The following ATM variants were observed in gnomAD, a reference collection of about 807,000 sequenced individuals.
The protein encoded by ATM is serine-protein kinase ATM.
Under a neutral mutation model 387.0 loss-of-function variants are expected in ATM, and 308 were observed. That is an observed-to-expected ratio of 0.80 (90% confidence interval 0.73 to 0.87). The LOEUF is 0.87. ATM is among the 40% of genes least tolerant of loss of function. The pLI, the probability that ATM is intolerant of heterozygous loss-of-function variation, is 0.00. For missense variants in ATM, 3,312 were observed against 3,560.9 expected (o/e 0.93, Z 1.78); for synonymous variants, 1,156 against 1,187.3 (o/e 0.97, Z 0.54).
At position 108,310,151 on chromosome 11, in the gene ATM, T is replaced by C. The variant is rs1245118555; in HGVS notation, c.5763-9T>C. 1 of 1,611,738 alleles carries C rather than the reference T, an allele frequency of 6.2e-7. No homozygotes were observed. Among genetic ancestry groups the C allele is most frequent in the Non-Finnish European group, 8.5e-7 (1 of 1,178,476 alleles). Reference sequence around the variant, plus strand: ...AAAGTGAATGACATTATATCTCATTTTTCTTTAGACCTTCTTCAGGAACAA... The same window carrying C: ...AAAGTGAATGACATTATATCTCATTCTTCTTTAGACCTTCTTCAGGAACAA... On this transcript the variant is annotated splice_polypyrimidine_tract_variant and intron_variant, in intron 38 of 62. Coordinates refer to ENST00000675843, the MANE Select transcript of ATM (RefSeq NM_000051.4).
At chr11:108,246,801 G>A (rs1201527539) in intron 7 of ATM, among the ~76,000 whole-genome samples, 163 bp from the exon 8 acceptor site, 5 of 152,226 alleles carry the variant, frequency 3.3e-5, no homozygotes, top group African/African-American at 1.2e-4. Flanking sequence ...ATGAAATAGA[G>A]TTTGTCAAGG....
rs964364958 is a variant in ATM at position 108,294,953 on chromosome 11, T to C, written c.4803T>C (p.Ser1601=). ...AAATTAACCATTTTCTCTCAGTAAG[T>C]GTTTATGATGCACTTCCATTGACAA... is the stretch of plus-strand genomic sequence containing the variant. ...LEEINHFLSV[S]VYDALPLTRL... is the part of the protein sequence containing the mutation. Residue 1601 remains serine (S), a synonymous_variant, in exon 32 of 63, where the codon AGT becomes AGC. Transcript: ENST00000675843. 1 of 1,613,856 alleles carries C rather than the reference T, an allele frequency of 6.2e-7. No homozygotes were observed. Among genetic ancestry groups the C allele is most frequent in the South Asian group, 1.1e-5 (1 of 91,080 alleles).
At chr11:108,241,620 T>C (rs957364190) in intron 5 of ATM, among the ~76,000 whole-genome samples, 2 of 152,156 alleles carry the variant, frequency 1.3e-5, no homozygotes, top group African/African-American at 4.8e-5. Flanking sequence ...TTATGTAGTA[T>C]GTGACTGTGG....
At chr11:108,336,786 T>C (rs1175575630) in intron 56 of ATM, among the ~76,000 whole-genome samples, 1 of 152,216 alleles carries the variant, frequency 6.6e-6, no homozygotes, top group Non-Finnish European at 1.5e-5. Context: ...CCTCTAGCTA[T>C]TTGCCTGAGA....
At position 108,311,761 on chromosome 11, in the gene ATM, T is replaced by C. The variant is rs149151024; in HGVS notation, c.5919-650T>C. On this transcript the variant is annotated intron_variant, in intron 39 of 62. Coordinates refer to ENST00000675843, the MANE Select transcript of ATM (RefSeq NM_000051.4). ...ATATAGGTAAATATTAGAGGCAGTATCACTTATGATAGTATTTATTTTATG... is the reference window on the plus strand; with the variant it reads ...ATATAGGTAAATATTAGAGGCAGTACCACTTATGATAGTATTTATTTTATG... Among the ~76,000 whole-genome samples the C allele has an allele frequency of 7.8e-4, 118 of 152,198 alleles. 1 individual carries two copies. The highest frequency in any genetic ancestry group is 2.6e-3 in the African/African-American group (106 of 41,534).
chr11:108,262,000 C>T (rs1174707834), intron 16 of ATM, among the ~76,000 whole-genome samples: 1 of 152,142 alleles, frequency 6.6e-6, no homozygotes, highest in Non-Finnish European at 1.5e-5. Context: ...ACCAAATCTA[C>T]GTCTGATTGG....
At chr11:108,325,275 T>A in intron 45 of ATM, 35 bp from the exon 46 acceptor site, 5 of 952,500 alleles carry the variant, frequency 5.2e-6, no homozygotes, top group Non-Finnish European at 8.2e-6. Flanking sequence ...TTTTCATTTC[T>A]CTTGCTTACA....
chr11:108,250,915 T>C lies in ATM; in HGVS notation c.1450T>C (p.Trp484Arg), dbSNP rs2080108178. 1 of 1,614,202 alleles carries C rather than the reference T, an allele frequency of 6.2e-7. No individual in the cohort carries two copies. The highest frequency in any genetic ancestry group is 8.5e-7 in the Non-Finnish European group (1 of 1,180,026). ...ACAAAAGTCAGATTTATTAAAACTC[T>C]GGAATAAAATTTGGTGTATTACCTT... ...SSQKSDLLKL[W>R]NKIWCITFRG... Residue 484 changes from tryptophan to arginine, a missense_variant, in exon 10 of 63, where the codon TGG (tryptophan) becomes CGG (arginine). By Grantham distance (101) the Trp-to-Arg change is moderately radical. Coordinates refer to ENST00000675843, the MANE Select transcript of ATM (RefSeq NM_000051.4).
At chr11:108,252,707 A>G in intron 11 of ATM, 110 bp from the exon 12 acceptor site, 1 of 760,376 alleles carries the variant, frequency 1.3e-6, no homozygotes, top group South Asian at 1.6e-5. Flanking sequence ...TTAATCTAGG[A>G]TCCAAATTTT....
At position 108,366,359 on chromosome 11, in the gene ATM, A is replaced by G. The variant is rs2091331102; in HGVS notation, c.*851A>G. ...TGTTTTTCATTTCTAATTATGCATC[A>G]TTTTTCAGATCTCTGTTTCTTGATG... On this transcript the variant is annotated 3_prime_UTR_variant, in exon 63 of 63. Transcript: ENST00000675843. 1 of 213,462 alleles carries G rather than the reference A, an allele frequency of 4.7e-6. No homozygotes were observed. Among genetic ancestry groups the G allele is most frequent in the African/African-American group, 2.3e-5 (1 of 44,028 alleles). 13.2% of individuals were successfully genotyped at this position (213,462 alleles called of 1,614,324 possible). A position where few individuals can be genotyped will look rare whatever the true frequency, so the allele number is the denominator to read the frequency against.
rs2079249238 is a variant in ATM, at chr11:108,235,832, T to A, written c.494T>A (p.Leu165Ter). 1 of 1,613,824 alleles carries A rather than the reference T, an allele frequency of 6.2e-7. No homozygotes were observed. The highest frequency in any genetic ancestry group is 8.5e-7 in the Non-Finnish European group (1 of 1,179,850). Residue 165 changes from leucine (L) to a stop codon, truncating the protein, a stop_gained and splice_region_variant, in exon 5 of 63, where the codon TTA becomes TAA. Coordinates refer to ENST00000675843, the MANE Select transcript of ATM (RefSeq NM_000051.4). LOFTEE classifies it high-confidence loss of function. Reference sequence around the variant, plus strand: ...TGTGAAATATCTCAGCAACAGTGGTTAGGTATGTTTTGAAGGTTGTTGTTT... The same window carrying A: ...TGTGAAATATCTCAGCAACAGTGGTAAGGTATGTTTTGAAGGTTGTTGTTT... ...YWCEISQQQW[L>*]ELFSVYFRLY...
chr11:108,272,488 T>C (rs2135563901), intron 20 of ATM, 44 bp from the exon 21 acceptor site: 2 of 1,491,036 alleles, frequency 1.3e-6, no homozygotes, highest in Non-Finnish European at 1.9e-6. Context: ...TGAGTGCTTT[T>C]ATCAGAATGA....
At chr11:108,327,462 T>A (rs2085785260) in intron 47 of ATM, 183 bp from the exon 48 acceptor site, 1 of 563,632 alleles carries the variant, frequency 1.8e-6, no homozygotes, top group South Asian at 2.0e-5. Context: ...AAACAGAGGA[T>A]GATCATTTCC....
rs2082874444 is a variant in ATM at position 108,292,796 on chromosome 11, A to G, written c.4611+3A>G. ...AGCAGGTGGAGGTTCAGAAACAGGT[A>G]ATTTTCTGACTCATCTTCAAAATGG... On this transcript the variant is annotated splice_donor_region_variant and intron_variant, in intron 30 of 62. Coordinates refer to ENST00000675843, the MANE Select transcript of ATM (RefSeq NM_000051.4). 1 of 1,613,568 alleles carries G rather than the reference A, an allele frequency of 6.2e-7. No individual in the cohort carries two copies. Among genetic ancestry groups the G allele is most frequent in the South Asian group, 1.1e-5 (1 of 91,058 alleles).
chr11:108,348,377 T>TAAGA (rs1035191499), intron 59 of ATM, among the ~76,000 whole-genome samples: 1 of 151,452 alleles, frequency 6.6e-6, no homozygotes, highest in Non-Finnish European at 1.5e-5. Flanking sequence ...GTTTAATATA[T>TAAGA]AAGAAAGAAA....
In ATM at chr11:108,272,833, G is replaced by T. The variant is rs730881358; in HGVS notation, c.3265G>T (p.Ala1089Ser). 8.9e-5 allele frequency: 143 copies of T among 1,613,882 alleles called. No homozygotes were observed. Among genetic ancestry groups the T allele is most frequent in the Non-Finnish European group, 1.2e-4 (139 of 1,179,984 alleles). The change falls in exon 22 of 63, where the codon GCT becomes TCT. Residue 1089 changes from alanine to serine, a missense_variant. Transcript: ENST00000675843. Reference protein sequence around the residue: ...ADNHHQVRMLAAESINRLFQD... With the variant: ...ADNHHQVRMLSAESINRLFQD... ...CAATCATCACCAAGTTCGCATGTTG[G>T]CTGCAGAGTCAATCAATAGGTAATG... is the stretch of plus-strand genomic sequence containing the variant.
chr11:108,290,826 TAAA>T (rs202152959), intron 29 of ATM, among the ~76,000 whole-genome samples: 13 of 124,836 alleles, frequency 1.0e-4, no homozygotes, highest in Admixed American at 1.6e-4. Context: ...TTCACTCAAT[TAAA>T]AAAAAAAAAA....
intron 38 of ATM, chr11:108,309,196 T>TA (rs1311466008): frequency 3.7e-6 from 2 of 544,732 alleles, no homozygotes; most frequent in African/African-American, 3.8e-5. Flanking sequence ...AGAACAACAA[T>TA]AAAACAACAA....
rs200842502 is a variant in ATM, at chr11:108,304,729, C to T, written c.5551C>T (p.Leu1851Phe). The T allele has an allele frequency of 1.6e-5, 26 of 1,613,984 alleles. No individual in the cohort carries two copies. Among genetic ancestry groups the T allele is most frequent in the Non-Finnish European group, 1.5e-5 (18 of 1,179,938 alleles). Reference sequence around the variant, plus strand: ...TCCATACTTGATTCATGATATTTTACTCCAAGATACAAATGAATCATGGAG... The same window carrying T: ...TCCATACTTGATTCATGATATTTTATTCCAAGATACAAATGAATCATGGAG... ...VLPYLIHDILLQDTNESWRNL... is the reference protein window; with the variant it reads ...VLPYLIHDILFQDTNESWRNL... Residue 1851 changes from leucine to phenylalanine, a missense_variant, in exon 37 of 63, where the codon CTC (leucine) becomes TTC (phenylalanine). Leu to Phe is a conservative substitution (Grantham distance 22). Transcript: ENST00000675843.
Sources: allele counts gnomAD v4.1 joint callset (sites outside exome capture counted in the v4.1 genomes callset), GRCh38; gene constraint gnomAD v4.1.1; transcripts MANE v1.5; gene names NCBI Gene and HGNC (gene_info 2026-07-23, HGNC 2026-07-21).